MPPED2: variants seen among roughly 807,000 people sequenced by gnomAD.
MPPED2 encodes the protein metallophosphoesterase MPPED2.
Under a neutral mutation model 33.0 loss-of-function variants are expected in MPPED2, and 5 were observed. The ratio of observed to expected loss-of-function variants is 0.15; its 90% CI spans 0.08 to 0.32. The LOEUF (loss-of-function observed/expected upper bound fraction) is 0.32, where lower values mean the gene tolerates loss of function less well. Ranked by LOEUF, MPPED2 falls within the 10% of genes least tolerant of loss-of-function variation. The pLI, the probability that MPPED2 is intolerant of heterozygous loss-of-function variation, is 1.00. For synonymous variants in MPPED2, 136 were observed against 141.9 expected (o/e 0.96, Z 0.29); for missense variants, 275 against 372.1 (o/e 0.74, Z 2.15).
intron 4 of MPPED2, among the ~76,000 whole-genome samples, chr11:30,453,866 G>A (rs1212020983): frequency 6.6e-6 from 1 of 152,198 alleles, no homozygotes; most frequent in Admixed American, 6.5e-5. Flanking sequence ...CCCTCCTTGA[G>A]GAGGGGACTG....
At chr11:30,525,984 T>A (rs1330531831) in intron 3 of MPPED2, among the ~76,000 whole-genome samples, 6 of 152,240 alleles carry the variant, frequency 3.9e-5, no homozygotes, top group Non-Finnish European at 5.9e-5. Flanking sequence ...TATTCAACTA[T>A]GCTGTGTTTG....
intron 2 of MPPED2, among the ~76,000 whole-genome samples, chr11:30,545,008 C>T (rs150004282): frequency 1.6e-3 from 246 of 152,284 alleles, no homozygotes; most frequent in Non-Finnish European, 2.4e-3. Context: ...TGTTCAGGGA[C>T]TTGTGAGTAA....
intron 4 of MPPED2, among the ~76,000 whole-genome samples, chr11:30,446,286 T>C (rs910732245): frequency 3.9e-5 from 6 of 152,224 alleles, no homozygotes; most frequent in African/African-American, 1.4e-4. Flanking sequence ...AGACTCATCA[T>C]TCAGCTCAGC....
chr11:30,515,310 A>T (rs553437239), intron 3 of MPPED2, among the ~76,000 whole-genome samples: 10 of 152,256 alleles, frequency 6.6e-5, no homozygotes, highest in Non-Finnish European at 1.0e-4. Flanking sequence ...CATAAGCAAG[A>T]AGGTGGTAGT....
At chr11:30,530,084 G>A (rs1361714997) in intron 3 of MPPED2, among the ~76,000 whole-genome samples, 1 of 152,118 alleles carries the variant, frequency 6.6e-6, no homozygotes, top group Non-Finnish European at 1.5e-5. Context: ...TTGACTGAAA[G>A]AATAGACCAC....
At chr11:30,397,512 C>T (rs903717211) in intron 6 of MPPED2, among the ~76,000 whole-genome samples, 2 of 152,114 alleles carry the variant, frequency 1.3e-5, no homozygotes, top group Admixed American at 1.3e-4. Context: ...TCACTGACTG[C>T]TCTAAGTTCA....
intron 3 of MPPED2, among the ~76,000 whole-genome samples, chr11:30,533,139 A>T (rs1954620164): frequency 6.6e-6 from 1 of 152,200 alleles, no homozygotes; most frequent in South Asian, 2.1e-4. Flanking sequence ...AAAAGGGCTC[A>T]CACTTTGGAG....
intron 6 of MPPED2, among the ~76,000 whole-genome samples, chr11:30,391,463 G>A (rs1264679432): frequency 6.6e-6 from 1 of 152,134 alleles, no homozygotes; most frequent in Non-Finnish European, 1.5e-5. Flanking sequence ...ACAGTTGGTG[G>A]GATAGTGGGC....
At chr11:30,388,901 T>C (rs1417697036) in exon 7 of MPPED2, 2 of 1,565,390 alleles carry the variant, frequency 1.3e-6, no homozygotes, top group Non-Finnish European at 1.7e-6. Flanking sequence ...AGGAAGTTTT[T>C]GAAGGCAGAG....
chr11:30,389,485 A>T (rs1001256769), intron 6 of MPPED2, among the ~76,000 whole-genome samples: 2 of 152,194 alleles, frequency 1.3e-5, no homozygotes, highest in East Asian at 3.8e-4. Flanking sequence ...TTTTGCTTCT[A>T]TGTATTCATA....
At chr11:30,403,664 C>T (rs1056300694) in intron 6 of MPPED2, among the ~76,000 whole-genome samples, 6 of 152,156 alleles carry the variant, frequency 3.9e-5, no homozygotes, top group African/African-American at 1.4e-4. Flanking sequence ...TTATCACCAT[C>T]GTCTAATGAA....
At chr11:30,418,175 T>A (rs118149506) in intron 4 of MPPED2, among the ~76,000 whole-genome samples, 2,036 of 152,198 alleles carry the variant, frequency 0.013, 20 homozygotes, top group Non-Finnish European at 0.021. Flanking sequence ...GAGTGAGATT[T>A]CTGAAAAAAT....
At chr11:30,554,131 GC>G (rs1955853013) in intron 2 of MPPED2, among the ~76,000 whole-genome samples, 1 of 152,104 alleles carries the variant, frequency 6.6e-6, no homozygotes, top group African/African-American at 2.4e-5. Context: ...CTGGTTCTCC[GC>G]CCTCATGTCA....
At position 30,554,520 on chromosome 11, in the gene MPPED2, A is replaced by G. The variant is rs1349656817; in HGVS notation, c.129-18345T>C. Among the ~76,000 whole-genome samples, 5 of 152,116 alleles carry G rather than the reference A, an allele frequency of 3.3e-5. No individual in the cohort carries two copies. The East Asian group carries it at 9.6e-4, about 29-fold the overall frequency. ...GTTGTTTTGTTTCATTCTGAGATAG[A>G]GTCTCACTCTGTTACCCAGGGTGGA... On this transcript the variant is annotated intron_variant, in intron 2 of 6. Transcript: ENST00000358117.
chr11:30,515,815 T>C (rs1295644206), intron 3 of MPPED2, among the ~76,000 whole-genome samples: 2 of 152,160 alleles, frequency 1.3e-5, no homozygotes, highest in Non-Finnish European at 2.9e-5. Context: ...AGAATAGCCT[T>C]TAATGTGAAG....
intron 4 of MPPED2, among the ~76,000 whole-genome samples, chr11:30,484,200 A>G (rs1435078650): frequency 6.6e-6 from 1 of 152,160 alleles, no homozygotes; most frequent in African/African-American, 2.4e-5. Flanking sequence ...ATTAAATATC[A>G]CTGGCACCTT....
intron 2 of MPPED2, among the ~76,000 whole-genome samples, chr11:30,568,003 T>C (rs1383704264): frequency 1.3e-5 from 2 of 152,162 alleles, no homozygotes; most frequent in African/African-American, 4.8e-5. Flanking sequence ...AAACTTATAG[T>C]GATGATGGAC....
At chr11:30,550,192 G>A (rs1408298262) in intron 2 of MPPED2, among the ~76,000 whole-genome samples, 1 of 152,112 alleles carries the variant, frequency 6.6e-6, no homozygotes, top group Non-Finnish European at 1.5e-5. Context: ...TAGGAATCTA[G>A]GGTGAATGGT....
chr11:30,489,730 CTGGACAT>C (rs1341020750), intron 4 of MPPED2, among the ~76,000 whole-genome samples: 5 of 152,168 alleles, frequency 3.3e-5, no homozygotes, highest in Non-Finnish European at 5.9e-5. Context: ...GATCAAATTC[CTGGACAT>C]TGGAAAGCCC....
Sources: allele counts gnomAD v4.1 joint callset (sites outside exome capture counted in the v4.1 genomes callset), GRCh38; gene constraint gnomAD v4.1.1; transcripts MANE v1.5; gene names NCBI Gene and HGNC (gene_info 2026-07-23, HGNC 2026-07-21).